The following RBFOX1 variants were observed in gnomAD, a reference collection of about 807,000 sequenced individuals.
RBFOX1 encodes RNA binding fox-1 homolog 1.
In RBFOX1, 8 loss-of-function variants were observed where a neutral mutation model predicts 57.7. The observed-to-expected ratio is 0.14, with a 90% CI of 0.08 to 0.25. The LOEUF (loss-of-function observed/expected upper bound fraction) is 0.25. Among genes scored for constraint, RBFOX1 ranks in the 10% least tolerant of loss-of-function variants. The probability of loss-of-function intolerance (pLI) is 1.00; values close to 1 mark genes in which losing one functional copy is unlikely to be tolerated. For synonymous variants in RBFOX1, 326 were observed against 222.4 expected (o/e 1.47, Z -4.15); for missense variants, 611 against 548.5 (o/e 1.11, Z -1.14).
At chr16:7,178,801 C>T (rs953275631) in intron 4 of RBFOX1, among the ~76,000 whole-genome samples, 1 of 152,176 alleles carries the variant, frequency 6.6e-6, no homozygotes, top group Non-Finnish European at 1.5e-5. Context: ...ACAGGTGAGA[C>T]ATCGGGTTTC....
In RBFOX1 at chr16:6,609,605, T is replaced by A. The variant is rs529625658; in HGVS notation, c.-63-44998T>A. Among the ~76,000 whole-genome samples the A allele has an allele frequency of 3.2e-3, 493 of 152,154 alleles. 2 individuals carry two copies. The highest frequency in any genetic ancestry group is 4.3e-3 in the Non-Finnish European group (295 of 68,020). ...GGCATTTCCTTAATTTAAAAAAAAATTTGTTTATTTCTTTACTGGATTAGC... is the reference window on the plus strand; with the variant it reads ...GGCATTTCCTTAATTTAAAAAAAAAATTGTTTATTTCTTTACTGGATTAGC... On this transcript the variant is annotated intron_variant, in intron 2 of 15. Coordinates refer to ENST00000550418, the MANE Select transcript of RBFOX1 (RefSeq NM_018723.4).
chr16:7,107,954 C>G (rs895118237), intron 4 of RBFOX1, among the ~76,000 whole-genome samples: 4 of 150,242 alleles, frequency 2.7e-5, no homozygotes, highest in African/African-American at 4.9e-5. Flanking sequence ...TTTCTTATCT[C>G]CATTATTATT....
At position 7,567,489 on chromosome 16, in the gene RBFOX1, ATATGTATATCCCTATG is replaced by A. The variant is rs1281758663; in HGVS notation, c.271-12283_271-12268del. On this transcript the variant is annotated intron_variant, in intron 5 of 15. Transcript: ENST00000550418. ...TATATATATCCCTATGTATGGCCCT[ATATGTATATCCCTATG>A]TATGGCCCTATATATATATCCCTAT... is the stretch of plus-strand genomic sequence containing the variant. 6.7e-3 allele frequency among the ~76,000 whole-genome samples: 166 copies of A among 24,786 alleles called. 13 individuals are homozygous for A. The highest frequency in any genetic ancestry group is 0.012 in the South Asian group (12 of 970). The allele number at this position is 24,786 out of a possible 152,430, so 16.3% of individuals were successfully genotyped here.
At chr16:7,396,867 G>T (rs1257389309) in intron 4 of RBFOX1, among the ~76,000 whole-genome samples, 1 of 152,156 alleles carries the variant, frequency 6.6e-6, no homozygotes, top group Non-Finnish European at 1.5e-5. Flanking sequence ...CTTAAACCCA[G>T]GAGACAGAGG....
chr16:7,705,269 G>A (rs949133563), intron 14 of RBFOX1, among the ~76,000 whole-genome samples: 10 of 152,150 alleles, frequency 6.6e-5, no homozygotes. Flanking sequence ...CACTTTGGGA[G>A]GCCGAGGCAG....
intron 4 of RBFOX1, among the ~76,000 whole-genome samples, chr16:7,312,340 G>A (rs545601462): frequency 7.9e-5 from 12 of 152,274 alleles, no homozygotes; most frequent in Admixed American, 6.5e-4. Flanking sequence ...AGATCGCGGC[G>A]TTGCACTCCA....
chr16:7,344,509 T>C (rs184111408), intron 4 of RBFOX1, among the ~76,000 whole-genome samples: 3 of 150,952 alleles, frequency 2.0e-5, no homozygotes, highest in Admixed American at 1.3e-4. Context: ...TAATTATATA[T>C]AATGATTAGA....
At chr16:5,381,162 G>A (rs1344463841) in intron 1 of RBFOX1, among the ~76,000 whole-genome samples, 3 of 152,140 alleles carry the variant, frequency 2.0e-5, no homozygotes, top group African/African-American at 7.2e-5. Context: ...ATGGGGTCCT[G>A]GCTCTTTGTA....
rs180795060 is a variant in RBFOX1 at position 6,394,480 on chromosome 16, C to A, written c.-64+77423C>A. 4.8e-4 allele frequency among the ~76,000 whole-genome samples: 71 copies of A among 149,260 alleles called. 1 individual carries two copies. Among genetic ancestry groups the A allele is most frequent in the Middle Eastern group, 3.5e-3 (1 of 284 alleles). ...CTTCTTGCAAAGAACCTTAAATTTACCCCCCAGAATAGCAGTGGGAAAATT... is the reference window on the plus strand; with the variant it reads ...CTTCTTGCAAAGAACCTTAAATTTAACCCCCAGAATAGCAGTGGGAAAATT... On this transcript the variant is annotated intron_variant, in intron 2 of 15. Coordinates refer to ENST00000550418, the MANE Select transcript of RBFOX1 (RefSeq NM_018723.4).
intron 3 of RBFOX1, among the ~76,000 whole-genome samples, chr16:5,821,549 T>C (rs2055859622): frequency 6.6e-6 from 1 of 152,190 alleles, no homozygotes; most frequent in Admixed American, 6.5e-5. Flanking sequence ...GTGATCCTCC[T>C]GCTTTGGCCT....
At chr16:5,309,884 A>G (rs1188607487) in intron 1 of RBFOX1, among the ~76,000 whole-genome samples, 1 of 152,182 alleles carries the variant, frequency 6.6e-6, no homozygotes, top group East Asian at 1.9e-4. Flanking sequence ...TATCACAGGC[A>G]TTGTTCCTTG....
intron 1 of RBFOX1, among the ~76,000 whole-genome samples, chr16:6,120,288 T>C (rs866225345): frequency 8.5e-5 from 13 of 152,254 alleles, no homozygotes; most frequent in Admixed American, 2.0e-4. Flanking sequence ...TTTGGGCACA[T>C]ACCTAGGAGT....
intron 4 of RBFOX1, among the ~76,000 whole-genome samples, chr16:5,870,368 T>C (rs1487545825): frequency 2.7e-5 from 3 of 113,090 alleles, no homozygotes; most frequent in East Asian, 2.4e-4. Flanking sequence ...TTGTAATTTG[T>C]ATGGCAAAAA....
chr16:5,697,997 A>T (rs750157625), intron 3 of RBFOX1, among the ~76,000 whole-genome samples: 3 of 152,136 alleles, frequency 2.0e-5, no homozygotes, highest in Non-Finnish European at 4.4e-5. Flanking sequence ...TTGTTGTTAT[A>T]TGCTCTCCCC....
chr16:5,947,312 C>T lies in RBFOX1; in HGVS notation c.351+79977C>T, dbSNP rs2059420028. Among the ~76,000 whole-genome samples the T allele has an allele frequency of 2.0e-5, 3 of 152,130 alleles. No individual in the cohort carries two copies. Among genetic ancestry groups the T allele is most frequent in the South Asian group, 4.1e-4 (2 of 4,824 alleles). ...CTGAGGTCAGAGGGGGAGGTCAGAT[C>T]GCCATCGAATGGACACCTCTTTTTA... On this transcript the variant is annotated intron_variant, in intron 4 of 19. Transcript: ENST00000641259. The surrounding 1 kb of genome is among the most constrained non-coding windows in gnomAD (Gnocchi z 7.2).
intron 2 of RBFOX1, among the ~76,000 whole-genome samples, chr16:5,551,080 C>T (rs1425421104): frequency 6.6e-6 from 1 of 152,152 alleles, no homozygotes; most frequent in Non-Finnish European, 1.5e-5. Context: ...CTGCATGGTT[C>T]TTACTTGCTG....
rs529695592 is a variant in RBFOX1 at position 5,869,213 on chromosome 16, G to A, written c.351+1878G>A. Reference sequence around the variant, plus strand: ...CTGCCAGTCATGAAGGACTGATTGCGCTTTCTGGAGCATACCTGAATATGT... The same window carrying A: ...CTGCCAGTCATGAAGGACTGATTGCACTTTCTGGAGCATACCTGAATATGT... On this transcript the variant is annotated intron_variant, in intron 4 of 19. Coordinates refer to the RBFOX1 transcript ENST00000641259. Among the ~76,000 whole-genome samples the A allele has an allele frequency of 9.2e-5, 14 of 152,084 alleles. No homozygotes were observed. The East Asian group carries it at 1.5e-3, about 17-fold the overall frequency.
Position 5,665,341 on chromosome 16 carries a change from C to T in RBFOX1, c.318+66380C>T, listed in dbSNP as rs192315256. On this transcript the variant is annotated intron_variant, in intron 3 of 19. Coordinates refer to the RBFOX1 transcript ENST00000641259. ...CTTTCCAAGTGTCTGGCTCCTTTTCCTCCTCCAGGTTTGGCTTTAAGGACA... is the reference window on the plus strand; with the variant it reads ...CTTTCCAAGTGTCTGGCTCCTTTTCTTCCTCCAGGTTTGGCTTTAAGGACA... Among the ~76,000 whole-genome samples, 352 of 152,230 alleles carry T rather than the reference C, an allele frequency of 2.3e-3. 2 individuals are homozygous for T. The Middle Eastern group carries it at 0.024, about 10-fold the overall frequency.
intron 2 of RBFOX1, among the ~76,000 whole-genome samples, chr16:5,576,018 ACT>A (rs2046442404): frequency 6.6e-6 from 1 of 151,614 alleles, no homozygotes; most frequent in Non-Finnish European, 1.5e-5. Flanking sequence ...ACAGAGTCTC[ACT>A]CTGTCACCCA....
Sources: allele counts gnomAD v4.1 joint callset (sites outside exome capture counted in the v4.1 genomes callset), GRCh38; gene constraint gnomAD v4.1.1; non-coding constraint Gnocchi (gnomAD v3.1); transcripts MANE v1.5; gene names NCBI Gene and HGNC (gene_info 2026-07-23, HGNC 2026-07-21).